SLC22A25: variants seen among roughly 807,000 people sequenced by gnomAD.
The protein encoded by SLC22A25 is solute carrier family 22 member 25.
A neutral mutation model predicts 45.9 loss-of-function variants in SLC22A25; 44 were observed. That is an observed-to-expected ratio of 0.96 (90% CI 0.75 to 1.23). The LOEUF (loss-of-function observed/expected upper bound fraction) is 1.23, where lower values mean the gene tolerates loss of function less well. SLC22A25 is among the 50% of genes most tolerant of loss of function. The pLI, the probability that SLC22A25 is intolerant of heterozygous loss-of-function variation, is 0.00. For missense variants in SLC22A25, 800 were observed against 666.4 expected (o/e 1.20, Z -2.21); for synonymous variants, 283 against 238.6 (o/e 1.19, Z -1.72).
At chr11:63,237,139 T>C (rs1052868376) in intron 3 of SLC22A25, among the ~76,000 whole-genome samples, 7 of 152,102 alleles carry the variant, frequency 4.6e-5, no homozygotes, top group African/African-American at 1.7e-4. Flanking sequence ...GAGCTAAACA[T>C]TGAGCACACA....
intron 7 of SLC22A25, among the ~76,000 whole-genome samples, chr11:63,186,399 T>G (rs974255615): frequency 2.0e-4 from 30 of 151,506 alleles, no homozygotes; most frequent in African/African-American, 7.3e-4. Context: ...TTGTTTGTTT[T>G]TTTCTTGTAA....
intron 9 of SLC22A25, among the ~76,000 whole-genome samples, chr11:63,173,609 G>A (rs2087971138): frequency 6.6e-6 from 1 of 152,114 alleles, no homozygotes; most frequent in Admixed American, 6.6e-5. Flanking sequence ...CTCCTGCCTA[G>A]CAGATTGGGT....
intron 7 of SLC22A25, among the ~76,000 whole-genome samples, chr11:63,211,183 C>T (rs950214887): frequency 6.6e-6 from 1 of 152,118 alleles, no homozygotes; most frequent in Admixed American, 6.5e-5. Context: ...CTCATGCTGC[C>T]TCGGTATGAG....
chr11:63,183,916 C>T (rs1231086962), intron 7 of SLC22A25, 99 bp from the exon 8 acceptor site: 1 of 1,520,044 alleles, frequency 6.6e-7, no homozygotes, highest in Admixed American at 1.9e-5. Flanking sequence ...AGCTAATACC[C>T]ACCTCTTGTT....
In SLC22A25 at chr11:63,163,325, CT is replaced by C. The variant is rs2087568349; in HGVS notation, c.*498del. On this transcript the variant is annotated 3_prime_UTR_variant, in exon 12 of 12. Coordinates refer to ENST00000306494, the MANE Select transcript of SLC22A25 (RefSeq NM_199352.6). Reference sequence around the variant, plus strand: ...TCACTTCTTTTCCCCTTTTCCAACGCTTTTTTTCCCCCGTGAAAATTAGATA... The same window carrying C: ...TCACTTCTTTTCCCCTTTTCCAACGCTTTTTTCCCCCGTGAAAATTAGATA... 6.6e-6 allele frequency among the ~76,000 whole-genome samples: 1 copy of C among 152,270 alleles called. No individual in the cohort carries two copies. Among genetic ancestry groups the C allele is most frequent in the Non-Finnish European group, 1.5e-5 (1 of 68,014 alleles).
chr11:63,180,564 C>T (rs930941641), intron 9 of SLC22A25, 96 bp downstream of exon 9: 21 of 843,840 alleles, frequency 2.5e-5, no homozygotes, highest in Non-Finnish European at 3.8e-5. Context: ...TTTTATCCCC[C>T]AAATATTTTC....
intron 7 of SLC22A25, among the ~76,000 whole-genome samples, chr11:63,193,395 C>T (rs942221153): frequency 6.6e-6 from 1 of 152,256 alleles, no homozygotes; most frequent in Non-Finnish European, 1.5e-5. Flanking sequence ...TAGGGGCTGA[C>T]TGACACCTCA....
At position 63,159,883 on chromosome 11, in the gene SLC22A25, T is replaced by A. The variant is rs2087520175; in HGVS notation, c.*3941A>T. Among the ~76,000 whole-genome samples, 1 of 152,188 alleles carries A rather than the reference T, an allele frequency of 6.6e-6. No homozygotes were observed. On this transcript the variant is annotated 3_prime_UTR_variant, in exon 12 of 12. Transcript: ENST00000306494. ...TGGTAACTGGAGTAAAGGTGACTCTTGCTATATTTTAGTAAAGAGACTGGC... is the reference window on the plus strand; with the variant it reads ...TGGTAACTGGAGTAAAGGTGACTCTAGCTATATTTTAGTAAAGAGACTGGC...
At chr11:63,165,219 A>G (rs1028749994) in intron 10 of SLC22A25, among the ~76,000 whole-genome samples, 1 of 152,222 alleles carries the variant, frequency 6.6e-6, no homozygotes, top group African/African-American at 2.4e-5. Flanking sequence ...GAAGTTTCAG[A>G]GGCAGGATTC....
chr11:63,209,642 G>A (rs951562297), intron 7 of SLC22A25, among the ~76,000 whole-genome samples: 1 of 152,162 alleles, frequency 6.6e-6, no homozygotes, highest in Non-Finnish European at 1.5e-5. Context: ...ATGACCAGGG[G>A]CAGACACAAG....
chr11:63,199,019 A>G (rs1419230410), intron 7 of SLC22A25, among the ~76,000 whole-genome samples: 1 of 152,122 alleles, frequency 6.6e-6, no homozygotes, highest in African/African-American at 2.4e-5. Flanking sequence ...GAGCAAATAA[A>G]TCCCAAAACT....
Position 63,217,636 on chromosome 11 carries a change from C to T in SLC22A25, c.606G>A (p.Leu202=), listed in dbSNP as rs747653409. ...FAPTILVYCS[L]RFLAGAATFS... is the part of the protein sequence containing the mutation. ...ATGTAGCAGCCCCAGCCAAGAAGCG[C>T]AGGGAGCAGTATACGAGGATGGTGG... is the stretch of plus-strand genomic sequence containing the variant. Residue 202 remains leucine (L), a synonymous_variant, in exon 6 of 12, where the codon CTG becomes CTA. Transcript: ENST00000306494. The T allele has an allele frequency of 8.1e-6, 13 of 1,613,944 alleles. No homozygotes were observed. The highest frequency in any genetic ancestry group is 1.0e-5 in the Non-Finnish European group (12 of 1,179,992).
intron 7 of SLC22A25, among the ~76,000 whole-genome samples, chr11:63,184,844 T>C (rs1477803251): frequency 1.3e-5 from 2 of 152,178 alleles, no homozygotes; most frequent in African/African-American, 4.8e-5. Context: ...GGAACATGAA[T>C]AACTCCCAGG....
At chr11:63,180,633 A>AT in intron 9 of SLC22A25, 27 bp downstream of exon 9, 1 of 1,491,692 alleles carries the variant, frequency 6.7e-7, no homozygotes, top group Admixed American at 2.0e-5. Context: ...CTATTTTAAC[A>AT]TTCCTCACAC....
intron 7 of SLC22A25, among the ~76,000 whole-genome samples, chr11:63,210,885 G>T (rs961447767): frequency 6.6e-6 from 1 of 152,208 alleles, no homozygotes; most frequent in African/African-American, 2.4e-5. Context: ...AAATTGTCCA[G>T]TGCTCTTGTT....
intron 9 of SLC22A25, among the ~76,000 whole-genome samples, chr11:63,178,270 C>CA (rs990647328): frequency 6.6e-5 from 10 of 151,968 alleles, no homozygotes; most frequent in Admixed American, 1.3e-4. Context: ...AATACTGCTG[C>CA]AAAAAACATA....
rs188453368 is a variant in SLC22A25 at position 63,234,212 on chromosome 11, G to A, written c.-445+3669C>T. Among the ~76,000 whole-genome samples, 379 of 152,294 alleles carry A rather than the reference G, an allele frequency of 2.5e-3. 1 individual carries two copies. The highest frequency in any genetic ancestry group is 3.3e-3 in the Non-Finnish European group (225 of 68,024). ...ATCCTTGTTAACTTTCTGTCTCATT[G>A]ATCTGTCTAATGTTGACAGTGGGGT... On this transcript the variant is annotated intron_variant, in intron 3 of 11. Coordinates refer to ENST00000306494, the MANE Select transcript of SLC22A25 (RefSeq NM_199352.6).
In SLC22A25 at chr11:63,159,700, C is replaced by G. The variant is rs2087519329; in HGVS notation, c.*4124G>C. Among the ~76,000 whole-genome samples, 1 of 5,960 alleles carries G rather than the reference C, an allele frequency of 1.7e-4. No homozygotes were observed. The highest frequency in any genetic ancestry group is 0.071 in the South Asian group (1 of 14). The allele number at this position is 5,960 out of a possible 152,430, so 3.9% of individuals were successfully genotyped here. A position where few individuals can be genotyped will look rare whatever the true frequency, so the allele number is the denominator to read the frequency against. On this transcript the variant is annotated 3_prime_UTR_variant, in exon 12 of 12. Transcript: ENST00000306494. ...CACAAATGTGGAAGCAACTTTGGAA[C>G]TGGGGCAATATTTGGAGGGCTCAGA...
chr11:63,187,894 C>A (rs2088625821), intron 7 of SLC22A25, among the ~76,000 whole-genome samples: 1 of 152,168 alleles, frequency 6.6e-6, no homozygotes, highest in South Asian at 2.1e-4. Flanking sequence ...AGGGATGTAG[C>A]CCACTTGATC....
Sources: allele counts gnomAD v4.1 joint callset (sites outside exome capture counted in the v4.1 genomes callset), GRCh38; gene constraint gnomAD v4.1.1; transcripts MANE v1.5; gene names NCBI Gene and HGNC (gene_info 2026-07-23, HGNC 2026-07-21).